The following BPTF variants were observed in gnomAD, a reference collection of about 807,000 sequenced individuals.
BPTF encodes the protein bromodomain PHD finger transcription factor, also known as nucleosome-remodeling factor subunit BPTF.
BPTF carries 18 observed loss-of-function variants against 292.5 expected under a neutral mutation model. The observed-to-expected ratio is 0.06, with a 90% CI of 0.04 to 0.09. The LOEUF is 0.09. BPTF is among the 10% of genes least tolerant of loss of function. The pLI, the probability that BPTF is intolerant of heterozygous loss-of-function variation, is 1.00. For synonymous variants in BPTF, 1,225 were observed against 1,251.9 expected (o/e 0.98, Z 0.45); for missense variants, 2,726 against 3,498.7 (o/e 0.78, Z 5.57).
rs2062617437 is a variant in BPTF at position 67,910,962 on chromosome 17, A to G, written c.3078A>G (p.Ser1026=). The G allele has an allele frequency of 6.2e-7, 1 of 1,613,984 alleles. No individual in the cohort carries two copies. Among genetic ancestry groups the G allele is most frequent in the Non-Finnish European group, 8.5e-7 (1 of 1,179,986 alleles). Residue 1026 remains serine (S), a synonymous_variant, in exon 11 of 28, where the codon TCA becomes TCG. Transcript: ENST00000306378. Reference sequence around the variant, plus strand: ...TAGACGATGACATGAAAACAGAGTCACATGTAAATTGTCAGGAGAGTTCTC... The same window carrying G: ...TAGACGATGACATGAAAACAGAGTCGCATGTAAATTGTCAGGAGAGTTCTC... ...MEVDDDMKTE[S]HVNCQESSQV... is the part of the protein sequence containing the mutation.
chr17:67,874,742 G>A (rs926199334), intron 3 of BPTF, 75 bp from the exon 4 acceptor site: 3 of 957,422 alleles, frequency 3.1e-6, no homozygotes, highest in African/African-American at 3.3e-5. Flanking sequence ...ATTGAAACTC[G>A]TAAGTGACAT....
chr17:67,827,232 A>T (rs531868888), intron 1 of BPTF, among the ~76,000 whole-genome samples: 1 of 152,316 alleles, frequency 6.6e-6, no homozygotes, highest in East Asian at 1.9e-4. Flanking sequence ...TTCTGGAACA[A>T]CTTCTAAGTC....
intron 23 of BPTF, among the ~76,000 whole-genome samples, chr17:67,952,297 C>T (rs2066452329): frequency 8.0e-6 from 1 of 124,490 alleles, no homozygotes; most frequent in Non-Finnish European, 1.6e-5. Flanking sequence ...TGGAGTCTTG[C>T]TCTGTTGTTC....
rs368250011 is a variant in BPTF, at chr17:67,970,028, G to A, written c.8539+3372G>A. Among the ~76,000 whole-genome samples the A allele has an allele frequency of 3.3e-5, 5 of 152,138 alleles. No individual in the cohort carries two copies. The South Asian group carries it at 1.0e-3, about 31-fold the overall frequency. On this transcript the variant is annotated intron_variant, in intron 26 of 27. Coordinates refer to ENST00000306378, the MANE Select transcript of BPTF (RefSeq NM_182641.4). ...GCAGGCAGATCACCTGAGGTTGGGA[G>A]TTCAAGACCAGCCTGACCAACATGG...
At chr17:67,843,147 TAA>T (rs1332264293) in intron 1 of BPTF, among the ~76,000 whole-genome samples, 7 of 150,298 alleles carry the variant, frequency 4.7e-5, no homozygotes, top group Admixed American at 1.3e-4. Context: ...TACATACATA[TAA>T]ATATATATCT....
intron 15 of BPTF, 107 bp from the exon 16 acceptor site, chr17:67,928,248 G>A (rs56181830): frequency 8.4e-7 from 1 of 1,188,280 alleles, no homozygotes; most frequent in Non-Finnish European, 1.2e-6. Flanking sequence ...CAGAAATGTA[G>A]TGGAATTTCT....
At chr17:67,940,330 GT>G (rs1172329168) in intron 18 of BPTF, 108 bp from the exon 19 acceptor site, 7 of 1,025,454 alleles carry the variant, frequency 6.8e-6, no homozygotes, top group Non-Finnish European at 1.0e-5. Context: ...ATATCCCAGT[GT>G]TTTTTTGAAG....
In BPTF at chr17:67,869,894, C is replaced by G. The variant is rs1001810090; in HGVS notation, c.1660+3207C>G. Among the ~76,000 whole-genome samples the G allele has an allele frequency of 2.0e-5, 3 of 147,596 alleles. No homozygotes were observed. The South Asian group carries it at 6.4e-4, about 31-fold the overall frequency. ...GCAGGCACCTGTAGTCCCAGCTACT[C>G]GGCAGCCTGAGGCAAGAGAATGGCG... On this transcript the variant is annotated intron_variant, in intron 3 of 27. Transcript: ENST00000306378.
At chr17:67,943,196 A>C (rs1289163370) in intron 19 of BPTF, among the ~76,000 whole-genome samples, 2 of 152,146 alleles carry the variant, frequency 1.3e-5, no homozygotes, top group Non-Finnish European at 2.9e-5. Flanking sequence ...GGTTTTATAG[A>C]TGTTTACTTT....
At chr17:67,864,857 TGAACTGGCGC>T (rs527973522) in intron 2 of BPTF, among the ~76,000 whole-genome samples, 197 of 152,224 alleles carry the variant, frequency 1.3e-3, no homozygotes, top group Non-Finnish European at 2.6e-3. Flanking sequence ...CAGGCTAGAG[TGAACTGGCGC>T]GAACTCGGCT....
chr17:67,960,932 G>T (rs1192257320), intron 24 of BPTF, among the ~76,000 whole-genome samples: 1 of 152,114 alleles, frequency 6.6e-6, no homozygotes, highest in African/African-American at 2.4e-5. Flanking sequence ...ATCAATTTAG[G>T]CATCTTCACT....
intron 14 of BPTF, among the ~76,000 whole-genome samples, chr17:67,923,380 A>G (rs2063591878): frequency 6.9e-6 from 1 of 144,270 alleles, no homozygotes; most frequent in South Asian, 2.4e-4. Context: ...TTAATCATTT[A>G]TTCAGTGCAG....
At chr17:67,913,292 A>G (rs2062771036) in intron 11 of BPTF, 105 bp downstream of exon 11, 1 of 1,444,968 alleles carries the variant, frequency 6.9e-7, no homozygotes, top group African/African-American at 1.4e-5. Flanking sequence ...ATAAGACAGG[A>G]AACATATTAA....
chr17:67,906,014 C>T (rs778377698), intron 9 of BPTF, among the ~76,000 whole-genome samples: 3 of 151,844 alleles, frequency 2.0e-5, no homozygotes, highest in Non-Finnish European at 4.4e-5. Context: ...CAAACCTGCA[C>T]GTTGTGCGCA....
At chr17:67,857,315 C>T (rs1167711519) in intron 2 of BPTF, among the ~76,000 whole-genome samples, 2 of 151,750 alleles carry the variant, frequency 1.3e-5, no homozygotes, top group East Asian at 1.9e-4. Flanking sequence ...TGCCCGCCAC[C>T]GTGCCCGGTT....
intron 4 of BPTF, among the ~76,000 whole-genome samples, chr17:67,883,875 A>G (rs1445938103): frequency 6.6e-6 from 1 of 152,322 alleles, no homozygotes; most frequent in East Asian, 1.9e-4. Context: ...CTGCGATTAC[A>G]GGCGTGAACC....
rs1194171978 is a variant in BPTF, at chr17:67,945,161, A to G, written c.6701-248A>G. 2.0e-5 allele frequency among the ~76,000 whole-genome samples: 3 copies of G among 152,028 alleles called. No individual in the cohort carries two copies. The South Asian group carries it at 6.2e-4, about 32-fold the overall frequency. On this transcript the variant is annotated intron_variant, in intron 20 of 27. Coordinates refer to ENST00000306378, the MANE Select transcript of BPTF (RefSeq NM_182641.4). ...AGCAATCCTCCCACCTCAGCCTCCCACGTAGCTTGGACCATAGCCATGCTC... is the reference window on the plus strand; with the variant it reads ...AGCAATCCTCCCACCTCAGCCTCCCGCGTAGCTTGGACCATAGCCATGCTC...
intron 7 of BPTF, among the ~76,000 whole-genome samples, chr17:67,895,487 A>G (rs2061383317): frequency 7.2e-6 from 1 of 138,266 alleles, no homozygotes; most frequent in South Asian, 2.3e-4. Context: ...TTTTTGACAC[A>G]GGATCTCACT....
chr17:67,881,502 T>G (rs933622546), intron 4 of BPTF, among the ~76,000 whole-genome samples: 8 of 143,356 alleles, frequency 5.6e-5, no homozygotes, highest in Non-Finnish European at 9.2e-5. Flanking sequence ...TTTTTTTTTT[T>G]TTTTTTTTTT....
Sources: gnomAD v4.1 joint callset for allele counts (sites outside exome capture counted in the v4.1 genomes callset) on GRCh38, gnomAD v4.1.1 for gene constraint, MANE v1.5 for transcripts, NCBI Gene and HGNC (gene_info 2026-07-23, HGNC 2026-07-21) for gene names.